The following ATE1 variants were observed in gnomAD, a reference collection of about 807,000 sequenced individuals.
ATE1 encodes arginyl-tRNA--protein transferase 1.
Under a neutral mutation model 70.5 loss-of-function variants are expected in ATE1, and 36 were observed. The observed-to-expected ratio is 0.51, with a 90% CI of 0.39 to 0.67. The LOEUF (loss-of-function observed/expected upper bound fraction) is 0.67, where lower values mean the gene tolerates loss of function less well. Among genes scored for constraint, ATE1 ranks in the 30% least tolerant of loss-of-function variants. The pLI is 0.00. For missense variants in ATE1, 593 were observed against 629.5 expected, an observed-to-expected ratio of 0.94 and a Z score of 0.62; for synonymous variants, 232 against 219.3, an observed-to-expected ratio of 1.06 and a Z score of -0.51.
At position 121,913,857 on chromosome 10, in the gene ATE1, G is replaced by A. The variant is rs1490126599; in HGVS notation, c.270C>T (p.His90=). Residue 90 remains histidine (H), a synonymous_variant, in exon 4 of 12, where the codon CAC becomes CAT. Transcript: ENST00000224652. ...TCAACATTTTTTTCAAAACCTTCTTGTGAGATTTTGAAGGCTGAAATTGTA... is the reference window on the plus strand; with the variant it reads ...TCAACATTTTTTTCAAAACCTTCTTATGAGATTTTGAAGGCTGAAATTGTA... The part of the protein sequence containing the change: ...RPLQFQPSKS[H]KKVLKKMLKF... 6.2e-7 allele frequency: 1 copy of A among 1,612,320 alleles called. No individual in the cohort carries two copies. The highest frequency in any genetic ancestry group is 8.5e-7 in the Non-Finnish European group (1 of 1,178,788).
At chr10:121,790,670 G>A (rs1946396218) in intron 10 of ATE1, among the ~76,000 whole-genome samples, 1 of 152,080 alleles carries the variant, frequency 6.6e-6, no homozygotes, top group African/African-American at 2.4e-5. Flanking sequence ...TTAGAGCACT[G>A]TATAAAGTGA....
At position 121,913,832 on chromosome 10, in the gene ATE1, T is replaced by A; in HGVS notation, c.295A>T (p.Lys99Ter). 1 of 1,613,470 alleles carries A rather than the reference T, an allele frequency of 6.2e-7. No homozygotes were observed. Among genetic ancestry groups the A allele is most frequent in the Non-Finnish European group, 8.5e-7 (1 of 1,179,494 alleles). ...SHKKVLKKML[K>*]FLAKGEVPKG... ...GGAACCTCCCCTTTAGCTAGAAATT[T>A]CAACATTTTTTTCAAAACCTTCTTG... Residue 99 changes from lysine (K) to a stop codon, truncating the protein, a stop_gained, in exon 4 of 12, where the codon AAA (lysine) becomes TAA (stop). Coordinates refer to ENST00000224652, the MANE Select transcript of ATE1 (RefSeq NM_001001976.3). LOFTEE classifies it high-confidence loss of function.
intron 5 of ATE1, 88 bp from the exon 6 acceptor site, chr10:121,902,708 CA>C: frequency 7.8e-7 from 1 of 1,282,326 alleles, no homozygotes; most frequent in East Asian, 2.5e-5. Flanking sequence ...AGTGTAAGTC[CA>C]AAGAGTTTCA....
intron 6 of ATE1, 111 bp downstream of exon 6, chr10:121,902,280 C>T (rs192542884): frequency 5.1e-4 from 488 of 964,206 alleles, no homozygotes; most frequent in Non-Finnish European, 7.0e-4. Flanking sequence ...TTTAAATTCT[C>T]ATTATTTAAC....
At chr10:121,919,242 C>T (rs1951782356) in intron 3 of ATE1, among the ~76,000 whole-genome samples, 1 of 152,120 alleles carries the variant, frequency 6.6e-6, no homozygotes, top group Admixed American at 6.5e-5. Context: ...CTGCGAAGGT[C>T]TGCGGCTTCA....
chr10:121,777,819 T>G (rs966679332), intron 11 of ATE1, among the ~76,000 whole-genome samples: 26 of 152,350 alleles, frequency 1.7e-4, no homozygotes, highest in South Asian at 6.2e-4. Context: ...TCATTATGTT[T>G]ATAAGAATAC....
intron 8 of ATE1, among the ~76,000 whole-genome samples, chr10:121,858,647 T>C (rs1949339936): frequency 2.2e-5 from 2 of 90,860 alleles, no homozygotes; most frequent in Non-Finnish European, 4.7e-5. Flanking sequence ...AATATATATA[T>C]TTTATACATA....
At chr10:121,893,904 G>A (rs1227553799) in intron 7 of ATE1, among the ~76,000 whole-genome samples, 5 of 152,132 alleles carry the variant, frequency 3.3e-5, no homozygotes, top group African/African-American at 9.7e-5. Flanking sequence ...TTGGGAGGCC[G>A]AGGCAGGCGG....
chr10:121,910,364 T>C (rs1342013332), intron 5 of ATE1, among the ~76,000 whole-genome samples: 8 of 152,222 alleles, frequency 5.3e-5, no homozygotes, highest in African/African-American at 1.9e-4. Flanking sequence ...TAAATTCATT[T>C]AATACTGGAT....
intron 5 of ATE1, among the ~76,000 whole-genome samples, chr10:121,910,358 T>A (rs987451503): frequency 6.6e-6 from 1 of 152,176 alleles, no homozygotes. Flanking sequence ...ACATATTAAA[T>A]TCATTTAATA....
At chr10:121,901,725 G>A (rs1272956371) in intron 6 of ATE1, among the ~76,000 whole-genome samples, 4 of 152,162 alleles carry the variant, frequency 2.6e-5, no homozygotes, top group Non-Finnish European at 5.9e-5. Flanking sequence ...CAAAGTGCTA[G>A]GATTACAGGT....
chr10:121,918,507 A>C (rs1304601748), intron 3 of ATE1, among the ~76,000 whole-genome samples: 1 of 152,190 alleles, frequency 6.6e-6, no homozygotes, highest in Admixed American at 6.5e-5. Context: ...ACAGGCACCA[A>C]ATACAATTTA....
At chr10:121,768,322 C>A (rs1251923538) in intron 11 of ATE1, among the ~76,000 whole-genome samples, 1 of 152,038 alleles carries the variant, frequency 6.6e-6, no homozygotes, top group Non-Finnish European at 1.5e-5. Flanking sequence ...ACAATAAACA[C>A]ATAGGAACTG....
Position 121,920,658 on chromosome 10 carries a change from T to G in ATE1, c.233+1691A>C, listed in dbSNP as rs113806998. Among the ~76,000 whole-genome samples, 1,188 of 152,256 alleles carry G rather than the reference T, an allele frequency of 7.8e-3. 16 individuals carry two copies. The highest frequency in any genetic ancestry group is 0.027 in the African/African-American group (1,141 of 41,546). Reference sequence around the variant, plus strand: ...GATTATGAAAAAATCCAACGAAGACTTTGTAGGAAAATAGACTTTGGTTTA... The same window carrying G: ...GATTATGAAAAAATCCAACGAAGACGTTGTAGGAAAATAGACTTTGGTTTA... On this transcript the variant is annotated intron_variant, in intron 3 of 11. Transcript: ENST00000224652.
intron 10 of ATE1, among the ~76,000 whole-genome samples, chr10:121,835,801 T>C (rs918329911): frequency 9.2e-5 from 14 of 152,110 alleles, no homozygotes; most frequent in Non-Finnish European, 1.8e-4. Flanking sequence ...GAGGTGGCAA[T>C]GAAGGAATAG....
At chr10:121,782,564 A>G (rs1430965374) in intron 11 of ATE1, 1 of 152,198 alleles carries the variant, frequency 6.6e-6, no homozygotes, top group African/African-American at 2.4e-5. Context: ...ATTTGCTTAT[A>G]AACAGGATGC....
chr10:121,841,255 A>T lies in ATE1; in HGVS notation c.984T>A (p.Thr328=), dbSNP rs1337367362. 6.7e-7 allele frequency: 1 copy of T among 1,491,368 alleles called. No homozygotes were observed. The allele number at this position is 1,491,368 out of a possible 1,614,324, so 92.4% of individuals were successfully genotyped here. ...FLCSSPLEAE[T]PPNGPDCGYG... ...AGCCACAATCTGGCCCATTAGGGGG[A>T]GTCTCTGCCTAAGAAAAAGCAGAGG... Residue 328 remains threonine, a synonymous_variant, in exon 9 of 12, where the codon ACT becomes ACA. Transcript: ENST00000224652.
At chr10:121,926,546 T>G (rs1422031625) in intron 1 of ATE1, among the ~76,000 whole-genome samples, 1 of 152,174 alleles carries the variant, frequency 6.6e-6, no homozygotes. Flanking sequence ...AAACGTGAAA[T>G]ACAAGACATT....
rs532079258 is a variant in ATE1 at position 121,759,484 on chromosome 10, G to A, written c.1379-15626C>T. On this transcript the variant is annotated intron_variant, in intron 11 of 11. Transcript: ENST00000224652. Reference sequence around the variant, plus strand: ...GACGCCTGTAATCCCAGCACTTTGCGGGGCTGAGGCAGGTGGATCACAAGG... The same window carrying A: ...GACGCCTGTAATCCCAGCACTTTGCAGGGCTGAGGCAGGTGGATCACAAGG... Among the ~76,000 whole-genome samples, 3 of 152,272 alleles carry A rather than the reference G, an allele frequency of 2.0e-5. No homozygotes were observed. In the South Asian group the frequency reaches 6.2e-4, roughly 32 times the overall value.
Sources: gnomAD v4.1 joint callset for allele counts (sites outside exome capture counted in the v4.1 genomes callset) on GRCh38, gnomAD v4.1.1 for gene constraint, MANE v1.5 for transcripts, NCBI Gene and HGNC (gene_info 2026-07-23, HGNC 2026-07-21) for gene names.